Variants in GRPR observed in about 807,000 individuals in gnomAD.
The protein encoded by GRPR is gastrin releasing peptide receptor, also known as gastrin-releasing peptide receptor.
A neutral mutation model predicts 15.6 loss-of-function variants in GRPR; 4 were observed. The observed-to-expected ratio is 0.26, with a 90% CI of 0.13 to 0.59. GRPR has a LOEUF of 0.59. Among genes scored for constraint, GRPR ranks in the 20% least tolerant of loss-of-function variants. The pLI is 0.90. For missense variants in GRPR, 270 were observed against 304.1 expected (o/e 0.89, Z 0.83); for synonymous variants, 128 against 126.8 (o/e 1.01, Z -0.06).
chrX:16,145,773 T>C (rs1322028665), intron 1 of GRPR, among the ~76,000 whole-genome samples: 1 of 110,815 alleles, frequency 9.0e-6, no homozygotes, highest in African/African-American at 3.3e-5. Flanking sequence ...CATAAATATA[T>C]ATACCTGCCA....
At chrX:16,143,702 A>C (rs752573859) in intron 1 of GRPR, among the ~76,000 whole-genome samples, 7 of 112,215 alleles carry the variant, frequency 6.2e-5, no homozygotes, top group Non-Finnish European at 1.3e-4. Flanking sequence ...CTTTCTTTAG[A>C]GGTTCCTCAA....
intron 1 of GRPR, 105 bp from the exon 2 acceptor site, chrX:16,150,200 C>T: frequency 1.7e-6 from 1 of 602,112 alleles, no homozygotes; most frequent in Non-Finnish European, 2.8e-6. Flanking sequence ...TGAGCACCTC[C>T]TTAAATATTG....
intron 2 of GRPR, among the ~76,000 whole-genome samples, 182 bp from the exon 3 acceptor site, chrX:16,152,074 T>TCATTTTACTGGATTC (rs1922715908): frequency 9.0e-6 from 1 of 110,884 alleles, no homozygotes; most frequent in Non-Finnish European, 1.9e-5. Context: ...TGCCTTTCTC[T>TCATTTTACTGGATTC]CATTTTACTG....
chrX:16,126,205 T>A (rs775268020), intron 1 of GRPR, among the ~76,000 whole-genome samples: 86 of 111,908 alleles, frequency 7.7e-4, no homozygotes, highest in African/African-American at 2.8e-3. Flanking sequence ...CTTGCCAAGT[T>A]CAGAAATTAC....
chrX:16,152,536 A>G lies in GRPR; in HGVS notation c.1046A>G (p.His349Arg). 12 of 1,208,870 alleles carry G rather than the reference A, an allele frequency of 9.9e-6. No individual in the cohort carries two copies. Among genetic ancestry groups the G allele is most frequent in the Non-Finnish European group, 1.3e-5 (12 of 892,628 alleles). The change falls in exon 3 of 3, where the codon CAC becomes CGC. Residue 349 changes from histidine to arginine, a missense_variant. Coordinates refer to ENST00000380289, the MANE Select transcript of GRPR (RefSeq NM_005314.3). ...CCQPGLIIRS[H>R]STGRSTTCMT... ...CAGCCTGGCCTGATCATCCGGTCTC[A>G]CAGCACTGGAAGGAGTACAACCTGC...
chrX:16,131,204 C>A (rs1922371459), intron 1 of GRPR, among the ~76,000 whole-genome samples: 1 of 111,880 alleles, frequency 8.9e-6, no homozygotes, highest in South Asian at 3.8e-4. Context: ...TGAAAATAGG[C>A]TAAATTTACA....
At chrX:16,146,360 C>T in intron 1 of GRPR, among the ~76,000 whole-genome samples, 1 of 111,342 alleles carries the variant, frequency 9.0e-6, no homozygotes. Flanking sequence ...AGCCAGAAAC[C>T]ATACCCTCTG....
chrX:16,130,803 A>G (rs1317941422), intron 1 of GRPR, among the ~76,000 whole-genome samples: 2 of 112,434 alleles, frequency 1.8e-5, no homozygotes, highest in Admixed American at 1.9e-4. Flanking sequence ...CCAGTTCATA[A>G]CTTCTGTATA....
At chrX:16,151,498 A>G (rs1458782296) in intron 2 of GRPR, among the ~76,000 whole-genome samples, 3 of 111,792 alleles carry the variant, frequency 2.7e-5, no homozygotes, top group Non-Finnish European at 5.6e-5. Flanking sequence ...TTCATTATTT[A>G]TGTATTTGTC....
At chrX:16,134,057 T>C (rs1328584966) in intron 1 of GRPR, among the ~76,000 whole-genome samples, 6 of 112,207 alleles carry the variant, frequency 5.3e-5, no homozygotes, top group Non-Finnish European at 9.4e-5. Context: ...TTGGTTATCT[T>C]TGCTTTTACT....
At chrX:16,132,382 C>A (rs182847767) in intron 1 of GRPR, among the ~76,000 whole-genome samples, 59 of 111,678 alleles carry the variant, frequency 5.3e-4, no homozygotes, top group African/African-American at 1.9e-3. Context: ...TATTTTAAAA[C>A]CTTTAGAAAT....
rs1289810819 is a variant in GRPR, at chrX:16,152,382, A to G, written c.892A>G (p.Met298Val). 1 of 1,210,840 alleles carries G rather than the reference A, an allele frequency of 8.3e-7. No individual in the cohort carries two copies. Among genetic ancestry groups the G allele is most frequent in the Admixed American group, 2.2e-5 (1 of 46,057 alleles). Residue 298 changes from methionine to valine, a missense_variant, in exon 3 of 3, where the codon ATG becomes GTG. Around this residue, in one of 3 missense-constraint regions of GRPR, gnomAD observed 133 missense variants for 123.4 expected, o/e 1.08. Transcript: ENST00000380289. ...SYHYSEVDTS[M>V]LHFVTSICAR... ...CCACTACTCTGAGGTGGACACCTCC[A>G]TGCTCCACTTTGTCACCAGCATCTG...
Position 16,152,624 on chromosome X carries a change from C to G in GRPR, c.1134C>G (p.Ile378Met), listed in dbSNP as rs201407327. 2.5e-6 allele frequency: 3 copies of G among 1,208,067 alleles called. No homozygotes were observed. Among genetic ancestry groups the G allele is most frequent in the African/African-American group, 1.8e-5 (1 of 56,970 alleles). Residue 378 changes from isoleucine to methionine, a missense_variant, in exon 3 of 3, where the codon ATC becomes ATG. Transcript: ENST00000380289. ...CCTTTAGCCTCATCAATGGAAACAT[C>G]TGTCACGAGCGGTATGTCTAGATTG... ...VATFSLINGNICHERYV is the reference protein window; with the variant it reads ...VATFSLINGNMCHERYV
At chrX:16,126,510 T>C (rs2147029564) in intron 1 of GRPR, among the ~76,000 whole-genome samples, 1 of 111,832 alleles carries the variant, frequency 8.9e-6, no homozygotes, top group African/African-American at 3.2e-5. Flanking sequence ...TCAATATATT[T>C]TTACATATGT....
At chrX:16,149,070 G>A (rs1237038177) in intron 1 of GRPR, among the ~76,000 whole-genome samples, 2 of 112,020 alleles carry the variant, frequency 1.8e-5, no homozygotes, top group Non-Finnish European at 3.8e-5. Context: ...ACTAAGCAAG[G>A]TGATTATACA....
In GRPR at chrX:16,123,595, G is replaced by T. The variant is rs1465095383; in HGVS notation, c.-359G>T. 2 of 172,295 alleles carry T rather than the reference G, an allele frequency of 1.2e-5. No individual in the cohort carries two copies. Among genetic ancestry groups the T allele is most frequent in the Non-Finnish European group, 1.1e-5 (1 of 92,661 alleles). 14.2% of individuals were successfully genotyped at this position (172,295 alleles called of 1,213,427 possible). A position where few individuals can be genotyped will look rare whatever the true frequency, so the allele number is the denominator to read the frequency against. On this transcript the variant is annotated 5_prime_UTR_variant, in exon 1 of 3. Transcript: ENST00000380289. The stretch of plus-strand genomic sequence containing the variant: ...TCAGGAAAGACGCTGTGGGAAAATA[G>T]CAGGCCAAAAGTTCTTAGTAAACTG...
rs141054317 is a variant in GRPR, at chrX:16,142,813, A to C, written c.414-7492A>C. On this transcript the variant is annotated intron_variant, in intron 1 of 2. Transcript: ENST00000380289. ...TCTTCTTGGGCATCCGAGTAGACTG[A>C]CAAGGTCCAGATGAATGTGTCTGCA... Among the ~76,000 whole-genome samples, 112 of 109,843 alleles carry C rather than the reference A, an allele frequency of 1.0e-3. 1 individual carries two copies. Among genetic ancestry groups the C allele is most frequent in the African/African-American group, 3.7e-3 (111 of 30,188 alleles).
intron 1 of GRPR, among the ~76,000 whole-genome samples, chrX:16,143,356 G>C (rs1446430233): frequency 2.7e-5 from 3 of 112,846 alleles, no homozygotes; most frequent in Non-Finnish European, 5.6e-5. Context: ...CTTTTCCCCA[G>C]CTTAGCTTCT....
intron 2 of GRPR, 64 bp from the exon 3 acceptor site, chrX:16,152,192 C>G: frequency 1.1e-6 from 1 of 935,062 alleles, no homozygotes; most frequent in Non-Finnish European, 1.6e-6. Flanking sequence ...ATCTTTGTCT[C>G]TCTGCATTCT....
Sources: gnomAD v4.1 joint callset for allele counts (sites outside exome capture counted in the v4.1 genomes callset) on GRCh38, gnomAD v4.1.1 for gene constraint, gnomAD v4.1.1 regional missense constraint, MANE v1.5 for transcripts, NCBI Gene and HGNC (gene_info 2026-07-23, HGNC 2026-07-21) for gene names.